The following HNF4A variants were observed in gnomAD, a reference collection of about 807,000 sequenced individuals.
The protein encoded by HNF4A is hepatocyte nuclear factor 4 alpha, also known as hepatocyte nuclear factor 4-alpha.
Under a neutral mutation model 52.4 loss-of-function variants are expected in HNF4A, and 15 were observed. The observed-to-expected ratio is 0.29, with a 90% CI of 0.19 to 0.44. HNF4A has a LOEUF of 0.44. Ranked by LOEUF, HNF4A falls within the 20% of genes least tolerant of loss-of-function variation. The pLI, the probability that HNF4A is intolerant of heterozygous loss-of-function variation, is 1.00. For missense variants in HNF4A, 479 were observed against 647.2 expected (o/e 0.74, Z 2.82); for synonymous variants, 280 against 264.4 (o/e 1.06, Z -0.57).
At chr20:44,370,276 C>T (rs2063020363) in intron 1 of HNF4A, among the ~76,000 whole-genome samples, 1 of 152,214 alleles carries the variant, frequency 6.6e-6, no homozygotes, top group Non-Finnish European at 1.5e-5. Context: ...ACCTGCCCGC[C>T]TCGGCCTCCC....
intron 2 of HNF4A, among the ~76,000 whole-genome samples, chr20:44,407,075 A>G (rs2063511060): frequency 6.6e-6 from 1 of 152,214 alleles, no homozygotes; most frequent in Admixed American, 6.5e-5. Flanking sequence ...TGTGGTGGAA[A>G]TAGCAGGGCT....
chr20:44,428,375 C>A lies in HNF4A; in HGVS notation c.1170C>A (p.His390Gln), dbSNP rs2063837407. The A allele has an allele frequency of 3.7e-6, 6 of 1,613,946 alleles. No individual in the cohort carries two copies. The East Asian group carries it at 8.9e-5, about 24-fold the overall frequency. Reference sequence around the variant, plus strand: ...CACCCCATGCCCACCACCCCCTGCACCCTCACCTGATGCAGGAACATATGG... The same window carrying A: ...CACCCCATGCCCACCACCCCCTGCAACCTCACCTGATGCAGGAACATATGG... The change falls in exon 9 of 10, where the codon CAC becomes CAA. Residue 390 changes from histidine (H) to glutamine (Q), a missense_variant. Around this residue, in one of 3 missense-constraint regions of HNF4A, gnomAD observed 389 missense variants for 525.1 expected, o/e 0.74. Coordinates refer to ENST00000316099, the MANE Select transcript of HNF4A (RefSeq NM_000457.6).
At chr20:44,420,009 A>G in intron 7 of HNF4A, 133 bp downstream of exon 7, 1 of 922,442 alleles carries the variant, frequency 1.1e-6, no homozygotes. Context: ...GGCCGTTTTC[A>G]TTTAACAGAT....
chr20:44,432,906 A>T (rs2063894986), downstream of HNF4A: 1 of 152,178 alleles, frequency 6.6e-6, no homozygotes, highest in African/African-American at 2.4e-5. Flanking sequence ...TTCTGGTTCT[A>T]CTTGGGGGTT....
intron 1 of HNF4A, among the ~76,000 whole-genome samples, chr20:44,383,145 G>A (rs950091375): frequency 6.6e-6 from 1 of 152,128 alleles, no homozygotes; most frequent in Non-Finnish European, 1.5e-5. Context: ...ACTCCAGCCT[G>A]AGTGACAGAG....
At chr20:44,394,005 G>A (rs894451115) in intron 1 of HNF4A, among the ~76,000 whole-genome samples, 8 of 152,160 alleles carry the variant, frequency 5.3e-5, no homozygotes, top group Admixed American at 3.3e-4. Context: ...GAGACAGGAC[G>A]TGGCTGAGAT....
At chr20:44,413,093 C>T (rs2063610056) in intron 3 of HNF4A, among the ~76,000 whole-genome samples, 1 of 152,146 alleles carries the variant, frequency 6.6e-6, no homozygotes. Context: ...GGCAGTGGAG[C>T]CTGGGGCCCC....
At chr20:44,390,804 C>T (rs902887495) in intron 1 of HNF4A, 1 of 622,726 alleles carries the variant, frequency 1.6e-6, no homozygotes, top group African/African-American at 1.8e-5. Flanking sequence ...TCCCCTAACC[C>T]AGGAACGTCC....
intron 1 of HNF4A, among the ~76,000 whole-genome samples, chr20:44,404,236 T>C (rs1461550943): frequency 2.0e-5 from 3 of 152,102 alleles, no homozygotes; most frequent in African/African-American, 7.2e-5. Flanking sequence ...CGAATCCCCA[T>C]AACGAACCTA....
chr20:44,364,639 T>G (rs1486415490), intron 1 of HNF4A, among the ~76,000 whole-genome samples: 1 of 152,012 alleles, frequency 6.6e-6, no homozygotes, highest in African/African-American at 2.4e-5. Context: ...CCAGCTACTT[T>G]TTGTATTTTT....
At chr20:44,395,277 C>T (rs2063342877) in intron 1 of HNF4A, among the ~76,000 whole-genome samples, 1 of 152,256 alleles carries the variant, frequency 6.6e-6, no homozygotes, top group South Asian at 2.1e-4. Context: ...CTGCCACTCC[C>T]CTGACGGCCT....
chr20:44,391,002 A>G (rs1422534544), intron 1 of HNF4A, among the ~76,000 whole-genome samples: 2 of 152,214 alleles, frequency 1.3e-5, no homozygotes, highest in African/African-American at 4.8e-5. Context: ...GCCCAAAGCC[A>G]GTGAGTCAGC....
At chr20:44,385,102 G>A (rs1049111071) in intron 1 of HNF4A, among the ~76,000 whole-genome samples, 1 of 65,556 alleles carries the variant, frequency 1.5e-5, no homozygotes, top group Non-Finnish European at 2.7e-5. Flanking sequence ...ATTCCCTGAA[G>A]GGAGATGAGG....
At chr20:44,376,084 A>C (rs6017333) in intron 1 of HNF4A, among the ~76,000 whole-genome samples, 1 of 151,910 alleles carries the variant, frequency 6.6e-6, no homozygotes, top group Admixed American at 6.6e-5. Flanking sequence ...GTCTCTACTA[A>C]AAATACAAAA....
chr20:44,394,735 G>T (rs1323799933), intron 1 of HNF4A, among the ~76,000 whole-genome samples: 1 of 152,364 alleles, frequency 6.6e-6, no homozygotes, highest in South Asian at 2.1e-4. Flanking sequence ...TGGGCTATGC[G>T]TTGGGAGGCC....
At chr20:44,385,989 A>G (rs2146274766) in intron 1 of HNF4A, among the ~76,000 whole-genome samples, 1 of 150,690 alleles carries the variant, frequency 6.6e-6, no homozygotes, top group Admixed American at 6.6e-5. Flanking sequence ...CCTCCCGAGT[A>G]GCTGGGATTA....
At chr20:44,391,331 G>C (rs1351447194) in intron 1 of HNF4A, 1 of 152,336 alleles carries the variant, frequency 6.6e-6, no homozygotes, top group African/African-American at 2.4e-5. Context: ...TTCCCACTGG[G>C]TCCCTATCTG....
intron 1 of HNF4A, among the ~76,000 whole-genome samples, chr20:44,363,545 C>T (rs897596590): frequency 1.3e-5 from 2 of 151,640 alleles, no homozygotes; most frequent in Non-Finnish European, 2.9e-5. Context: ...TAGATGGGGG[C>T]CTGTGTGGCT....
chr20:44,410,190 G>A (rs1331023466), intron 3 of HNF4A, among the ~76,000 whole-genome samples: 1 of 152,232 alleles, frequency 6.6e-6, no homozygotes, highest in Non-Finnish European at 1.5e-5. Flanking sequence ...GCTCCTGGAA[G>A]GGGGATGAGA....
Sources: gnomAD v4.1 joint callset for allele counts (sites outside exome capture counted in the v4.1 genomes callset) on GRCh38, gnomAD v4.1.1 for gene constraint, gnomAD v4.1.1 regional missense constraint, MANE v1.5 for transcripts, NCBI Gene and HGNC (gene_info 2026-07-23, HGNC 2026-07-21) for gene names.